STK40: variants seen among roughly 807,000 people sequenced by gnomAD.
STK40 encodes serine/threonine-protein kinase 40.
Under a neutral mutation model 47.9 loss-of-function variants are expected in STK40, and 13 were observed. The observed-to-expected ratio is 0.27, with a 90% CI of 0.18 to 0.43. STK40 has a LOEUF of 0.43. Among genes scored for constraint, STK40 ranks in the 20% least tolerant of loss-of-function variants. The pLI is 1.00. For synonymous variants in STK40, 225 were observed against 243.2 expected (o/e 0.93, Z 0.69); for missense variants, 460 against 595.1 (o/e 0.77, Z 2.36).
At chr1:36,350,249 C>T (rs1016977239) in intron 6 of STK40, among the ~76,000 whole-genome samples, 3 of 152,228 alleles carry the variant, frequency 2.0e-5, no homozygotes, top group Admixed American at 1.3e-4. Flanking sequence ...GTCACTTGCA[C>T]GTCAAGGAGT....
intron 1 of STK40, among the ~76,000 whole-genome samples, chr1:36,365,078 G>C (rs1001402478): frequency 6.9e-6 from 1 of 144,220 alleles, no homozygotes; most frequent in Non-Finnish European, 1.5e-5. Context: ...CGCAACCTCC[G>C]CCTCCCAGGT....
In STK40 at chr1:36,344,491, C is replaced by T. The variant is rs145295066; in HGVS notation, c.740-227G>A. On this transcript the variant is annotated intron_variant, in intron 7 of 10. Coordinates refer to ENST00000373132, the MANE Select transcript of STK40 (RefSeq NM_001282547.2). ...ACCTGCTCACAGCACCTGCCCCGCC[C>T]GGCCAGATGGCGAGCCCCTGGGAGC... Among the ~76,000 whole-genome samples, 200 of 152,354 alleles carry T rather than the reference C, an allele frequency of 1.3e-3. 1 individual carries two copies. Among genetic ancestry groups the T allele is most frequent in the African/African-American group, 4.5e-3 (189 of 41,578 alleles).
chr1:36,372,611 T>C (rs1040126121), intron 1 of STK40: 1 of 152,222 alleles, frequency 6.6e-6, no homozygotes, highest in South Asian at 2.1e-4. Context: ...CTCCACCCAA[T>C]GTCTGCATGG....
chr1:36,380,415 T>C (rs1305552029), intron 1 of STK40, among the ~76,000 whole-genome samples: 2 of 152,206 alleles, frequency 1.3e-5, no homozygotes, highest in East Asian at 3.8e-4. Context: ...TCAAGGACAC[T>C]GGGCAGCTTT....
Position 36,358,623 on chromosome 1 carries a change from G to A in STK40, c.198+114C>T, listed in dbSNP as rs985719492. ...TGTGAACTTGATTGCTTCTCGGGAA[G>A]AAATGGCGCTACTCTTGTTCACAAT... On this transcript the variant is annotated intron_variant, in intron 3 of 10. Coordinates refer to ENST00000373132, the MANE Select transcript of STK40 (RefSeq NM_001282547.2). 8.0e-6 allele frequency: 10 copies of A among 1,253,442 alleles called. No homozygotes were observed. In the Admixed American group the frequency reaches 1.7e-4, roughly 22 times the overall value. The allele number at this position is 1,253,442 out of a possible 1,614,324, so 77.6% of individuals were successfully genotyped here. A position where few individuals can be genotyped will look rare whatever the true frequency, so the allele number is the denominator to read the frequency against.
At chr1:36,350,386 G>A (rs1646741334) in intron 6 of STK40, among the ~76,000 whole-genome samples, 1 of 152,172 alleles carries the variant, frequency 6.6e-6, no homozygotes, top group Non-Finnish European at 1.5e-5. Flanking sequence ...AGATGGCCGC[G>A]GAAGCTGCAA....
intron 9 of STK40, 82 bp downstream of exon 9, chr1:36,343,774 GCTGA>G: frequency 6.7e-7 from 1 of 1,499,422 alleles, no homozygotes; most frequent in Non-Finnish European, 8.9e-7. Context: ...AGAGAAGCAG[GCTGA>G]CTACTGGCTG....
intron 2 of STK40, 101 bp downstream of exon 2, chr1:36,361,120 G>A (rs924833697): frequency 1.1e-5 from 15 of 1,384,306 alleles, no homozygotes; most frequent in African/African-American, 2.8e-5. Flanking sequence ...TGCTGTGGGT[G>A]GGCCACCTCA....
Position 36,354,344 on chromosome 1 carries a change from T to G in STK40, c.623+20A>C. ...CCCAGCCCCGGGGTAACTGTATGGATGTAGAGACAGGGATCTTACCTCTTG... is the reference window on the plus strand; with the variant it reads ...CCCAGCCCCGGGGTAACTGTATGGAGGTAGAGACAGGGATCTTACCTCTTG... On this transcript the variant is annotated intron_variant, in intron 6 of 10. Transcript: ENST00000373132. The G allele has an allele frequency of 6.2e-7, 1 of 1,613,772 alleles. No individual in the cohort carries two copies. The highest frequency in any genetic ancestry group is 8.5e-7 in the Non-Finnish European group (1 of 1,179,736).
rs1303724206 is a variant in STK40 at position 36,340,817 on chromosome 1, G to T, written c.*938C>A. The T allele has an allele frequency of 6.6e-6, 1 of 152,330 alleles. No individual in the cohort carries two copies. Among genetic ancestry groups the T allele is most frequent in the Non-Finnish European group, 1.5e-5 (1 of 68,132 alleles). The allele number at this position is 152,330 out of a possible 1,614,324, so 9.4% of individuals were successfully genotyped here. ...CCCTAAACACAAGAGTAGGCTAGGG[G>T]AGCGTGCAGGCAGCCCCCGCTCACG... On this transcript the variant is annotated 3_prime_UTR_variant, in exon 11 of 11. Coordinates refer to ENST00000373132, the MANE Select transcript of STK40 (RefSeq NM_001282547.2).
At chr1:36,375,630 G>A (rs1213916355) in intron 1 of STK40, among the ~76,000 whole-genome samples, 1 of 152,206 alleles carries the variant, frequency 6.6e-6, no homozygotes, top group East Asian at 1.9e-4. Context: ...GTTTTCAACA[G>A]CAAAAATCAC....
intron 3 of STK40, 97 bp downstream of exon 3, chr1:36,358,640 G>A (rs1646826188): frequency 2.2e-6 from 3 of 1,368,804 alleles, no homozygotes; most frequent in Non-Finnish European, 3.1e-6. Flanking sequence ...CGCTACTCTT[G>A]TTCACAATGA....
intron 1 of STK40, among the ~76,000 whole-genome samples, chr1:36,378,704 G>A (rs1357773519): frequency 1.3e-5 from 2 of 152,242 alleles, no homozygotes; most frequent in South Asian, 2.1e-4. Flanking sequence ...TGATCTGCCC[G>A]CCTCGGCCTC....
rs114294038 is a variant in STK40, at chr1:36,363,196, G to A, written c.-8-1856C>T. Among the ~76,000 whole-genome samples the A allele has an allele frequency of 2.6e-3, 390 of 152,086 alleles. 3 individuals carry two copies. The highest frequency in any genetic ancestry group is 5.6e-3 in the Admixed American group (85 of 15,266). ...GGGCATGATGGTGGGCGCCTGTCTC[G>A]GGAGGCTGAGGCAGGAAAATCGCTT... On this transcript the variant is annotated intron_variant, in intron 1 of 10. Coordinates refer to ENST00000373132, the MANE Select transcript of STK40 (RefSeq NM_001282547.2).
chr1:36,348,359 T>C (rs1646722302), intron 7 of STK40, among the ~76,000 whole-genome samples: 1 of 152,224 alleles, frequency 6.6e-6, no homozygotes. Context: ...AGCCTCAGCC[T>C]AGTCACACAT....
chr1:36,347,989 C>G (rs1273089433), intron 7 of STK40, among the ~76,000 whole-genome samples: 1 of 152,214 alleles, frequency 6.6e-6, no homozygotes, highest in Non-Finnish European at 1.5e-5. Flanking sequence ...TGTCTCATCC[C>G]CACTAGAAAG....
chr1:36,347,676 G>C (rs929470496), intron 7 of STK40, among the ~76,000 whole-genome samples: 1 of 143,348 alleles, frequency 7.0e-6, no homozygotes, highest in Non-Finnish European at 1.5e-5. Flanking sequence ...TTTTTGAGAT[G>C]GAGTCTCGCT....
chr1:36,342,067 G>C (rs1249066726), intron 10 of STK40, 94 bp from the exon 11 acceptor site: 2 of 1,198,770 alleles, frequency 1.7e-6, no homozygotes, highest in African/African-American at 1.5e-5. Context: ...TGGCAGCCTG[G>C]CTCCTGCAGT....
intron 1 of STK40, among the ~76,000 whole-genome samples, chr1:36,376,220 G>A (rs76291830): frequency 4.6e-5 from 7 of 152,104 alleles, no homozygotes; most frequent in South Asian, 2.1e-4. Context: ...AGCTGGACAC[G>A]GCAGATCACG....
Sources: allele counts gnomAD v4.1 joint callset (sites outside exome capture counted in the v4.1 genomes callset), GRCh38; gene constraint gnomAD v4.1.1; transcripts MANE v1.5; gene names NCBI Gene and HGNC (gene_info 2026-07-23, HGNC 2026-07-21).